Variants in METTL23 observed in about 807,000 individuals in gnomAD.
METTL23 encodes the protein histone-arginine methyltransferase METTL23.
In METTL23, 24 loss-of-function variants were observed where a neutral mutation model predicts 21.2. The ratio of observed to expected loss-of-function variants is 1.13; its 90% CI spans 0.82 to 1.59. The LOEUF is 1.59. Among genes scored for constraint, METTL23 ranks in the 40% most tolerant of loss-of-function variants. The pLI, the probability that METTL23 is intolerant of heterozygous loss-of-function variation, is 0.00. For missense variants in METTL23, 276 were observed against 221.4 expected (o/e 1.25, Z -1.57); for synonymous variants, 97 against 75.2 (o/e 1.29, Z -1.50).
At position 76,729,152 on chromosome 17, in the gene METTL23, G is replaced by T. The variant is rs576866470; in HGVS notation, c.-21-538G>T. The stretch of plus-strand genomic sequence containing the variant: ...GTTGCCCAGGCTGGAGTGCAGTGGC[G>T]CAGTCTCGGCTCACTGCAACCTCCG... On this transcript the variant is annotated intron_variant, in intron 1 of 4. Transcript: ENST00000341249. 5.3e-5 allele frequency among the ~76,000 whole-genome samples: 8 copies of T among 151,126 alleles called. 1 individual carries two copies. The East Asian group carries it at 9.8e-4, about 18-fold the overall frequency.
Position 76,733,301 on chromosome 17 carries a change from G to A in METTL23, c.331G>A (p.Asp111Asn). The A allele has an allele frequency of 6.2e-7, 1 of 1,613,888 alleles. No individual in the cohort carries two copies. Among genetic ancestry groups the A allele is most frequent in the Non-Finnish European group, 8.5e-7 (1 of 1,179,858 alleles). Reference protein sequence around the residue: ...DVFFEPEDFEDILATIYFLMH... With the variant: ...DVFFEPEDFENILATIYFLMH... ...AAATCCTTTCTCCTCAGATTTTGAA[G>A]ACATTTTGGCTACAATATATTTTTT... The change falls in exon 4 of 5, where the codon GAC becomes AAC. Residue 111 changes from aspartate to asparagine, a missense_variant. Physicochemically the swap from Asp to Asn is conservative, Grantham distance 23 (BLOSUM62 1). Coordinates refer to ENST00000341249, the MANE Select transcript of METTL23 (RefSeq NM_001080510.5).
rs1463836132 is a variant in METTL23, at chr17:76,728,412, A to ATTTGTTTTTTTTT, written c.-22+1237_-22+1238insGTTTTTTTTTTTT. On this transcript the variant is annotated intron_variant, in intron 1 of 4. Transcript: ENST00000341249. ...CACCACACCCAATCTGGCTTCACGG[A>ATTTGTTTTTTTTT]TTTTTTTTTTTTTTTTTGGAGATGG... 4.1e-4 allele frequency among the ~76,000 whole-genome samples: 6 copies of ATTTGTTTTTTTTT among 14,778 alleles called. 1 individual carries two copies. The highest frequency in any genetic ancestry group is 5.3e-4 in the African/African-American group (6 of 11,394). The allele number at this position is 14,778 out of a possible 152,430, so 9.7% of individuals were successfully genotyped here.
At chr17:76,726,372 A>C, upstream of METTL23, 3 of 1,597,450 alleles carry the variant, frequency 1.9e-6, no homozygotes, top group Non-Finnish European at 1.7e-6. Context: ...GCTCAGCGAG[A>C]AGCTCTCGTA....
chr17:76,726,425 C>G (rs1158349991), upstream of METTL23: 7 of 1,604,390 alleles, frequency 4.4e-6, no homozygotes, highest in Middle Eastern at 1.7e-4. Context: ...TGAGCTCCGG[C>G]CGCGCACTCC....
In METTL23 at chr17:76,733,712, C is replaced by G; in HGVS notation, c.*26C>G. 6.2e-7 allele frequency: 1 copy of G among 1,601,806 alleles called. No individual in the cohort carries two copies. Among genetic ancestry groups the G allele is most frequent in the East Asian group, 2.2e-5 (1 of 44,812 alleles). ...ATTATACCTACAACCTGTTCTGGGA[C>G]AGTATCAATACTGATGAGCAACCTG... On this transcript the variant is annotated 3_prime_UTR_variant, in exon 5 of 5. Coordinates refer to ENST00000341249, the MANE Select transcript of METTL23 (RefSeq NM_001080510.5).
At chr17:76,726,290 G>C, upstream of METTL23, 1 of 1,514,412 alleles carries the variant, frequency 6.6e-7, no homozygotes, top group Non-Finnish European at 8.8e-7. Flanking sequence ...AGAGAAAGGT[G>C]CGTAGCGGCT....
chr17:76,726,454 G>A (rs1278674934), upstream of METTL23: 2 of 1,604,256 alleles, frequency 1.2e-6, no homozygotes, highest in South Asian at 2.2e-5. Flanking sequence ...TCGCGGATGC[G>A]CTTCTTGCTC....
Position 76,732,961 on chromosome 17 carries a change from C to G in METTL23, c.85-17C>G, listed in dbSNP as rs780401259. ...TCCAAGTATAATTGTGAAATGCCATCTTTCATAACTTATTAGATTGGAGCT... is the reference window on the plus strand; with the variant it reads ...TCCAAGTATAATTGTGAAATGCCATGTTTCATAACTTATTAGATTGGAGCT... On this transcript the variant is annotated splice_polypyrimidine_tract_variant and intron_variant, in intron 2 of 4. Transcript: ENST00000341249. The G allele has an allele frequency of 1.9e-6, 3 of 1,544,682 alleles. No individual in the cohort carries two copies. The South Asian group carries it at 3.6e-5, about 18-fold the overall frequency.
At chr17:76,728,605 T>G (rs1281339691) in intron 1 of METTL23, among the ~76,000 whole-genome samples, 1 of 151,642 alleles carries the variant, frequency 6.6e-6, no homozygotes, top group African/African-American at 2.4e-5. Flanking sequence ...GAGACGGGGT[T>G]TTGCCATGTT....
At chr17:76,730,957 T>C (rs1598405655) in intron 2 of METTL23, among the ~76,000 whole-genome samples, 2 of 152,216 alleles carry the variant, frequency 1.3e-5, no homozygotes, top group South Asian at 4.2e-4. Context: ...CAAAAAAAAT[T>C]AGCCGGGCCT....
chr17:76,726,634 C>A (rs2076946183), upstream of METTL23: 2 of 986,982 alleles, frequency 2.0e-6, no homozygotes, highest in Non-Finnish European at 2.9e-6. Flanking sequence ...AATTCACTCC[C>A]CAGCCACCTC....
chr17:76,728,719 G>A (rs1021709364), intron 1 of METTL23, among the ~76,000 whole-genome samples: 1 of 148,206 alleles, frequency 6.7e-6, no homozygotes, highest in East Asian at 2.1e-4. Flanking sequence ...CTGGCTTCAC[G>A]TTTAAATACA....
intron 2 of METTL23, chr17:76,732,677 G>A: frequency 4.9e-6 from 2 of 405,112 alleles, no homozygotes; most frequent in Non-Finnish European, 9.1e-6. Context: ...TCATGGCAGA[G>A]GAATCAAGTG....
chr17:76,733,450 T>TTAA, intron 4 of METTL23, 71 bp from the exon 5 acceptor site: 1 of 1,598,604 alleles, frequency 6.3e-7, no homozygotes, highest in Non-Finnish European at 8.5e-7. Context: ...GATACATAAT[T>TTAA]TAAGAATAGA....
intron 2 of METTL23, 84 bp downstream of exon 2, chr17:76,729,878 T>C (rs2077128306): frequency 2.1e-6 from 2 of 969,804 alleles, no homozygotes; most frequent in Non-Finnish European, 3.2e-6. Context: ...TGTTTTTAGC[T>C]TTTGTTAAAT....
chr17:76,726,554 G>A, upstream of METTL23: 1 of 1,494,830 alleles, frequency 6.7e-7, no homozygotes, highest in Admixed American at 2.3e-5. Context: ...TCCCCGGCCT[G>A]GGCGGCGGCG....
Position 76,733,525 on chromosome 17 carries a change from G to C in METTL23, c.412G>C (p.Asp138His). ...LWSTYQVRSADWSLEALLYKW... is the reference protein window; with the variant it reads ...LWSTYQVRSAHWSLEALLYKW... ...GAACAACTTTTTTTTTTTAAGTGCT[G>C]ACTGGTCACTTGAAGCTTTACTCTA... Residue 138 changes from aspartate to histidine, a missense_variant, in exon 5 of 5, where the codon GAC becomes CAC. Physicochemically the swap from Asp to His is moderately conservative, Grantham distance 81. Coordinates refer to ENST00000341249, the MANE Select transcript of METTL23 (RefSeq NM_001080510.5). 4 of 1,606,004 alleles carry C rather than the reference G, an allele frequency of 2.5e-6. No individual in the cohort carries two copies. The highest frequency in any genetic ancestry group is 3.4e-6 in the Non-Finnish European group (4 of 1,177,314).
chr17:76,732,052 AC>A (rs1402963338), intron 2 of METTL23, among the ~76,000 whole-genome samples: 1 of 152,208 alleles, frequency 6.6e-6, no homozygotes, highest in East Asian at 1.9e-4. Context: ...CAACTATAGA[AC>A]ATGCTAACAG....
chr17:76,730,796 C>T (rs980232878), intron 2 of METTL23, among the ~76,000 whole-genome samples: 2 of 151,896 alleles, frequency 1.3e-5, no homozygotes, highest in Admixed American at 6.6e-5. Flanking sequence ...GGTGAAACCC[C>T]GTCTCTACTA....
Sources: gnomAD v4.1 joint callset for allele counts (sites outside exome capture counted in the v4.1 genomes callset) on GRCh38, gnomAD v4.1.1 for gene constraint, MANE v1.5 for transcripts, NCBI Gene and HGNC (gene_info 2026-07-23, HGNC 2026-07-21) for gene names.